Variants in NALF1 observed in about 807,000 individuals in gnomAD.
NALF1 encodes the protein family with sequence similarity 155 member A.
In NALF1, 3 loss-of-function variants were observed where a neutral mutation model predicts 48.4. The ratio of observed to expected loss-of-function variants is 0.06; its 90% CI spans 0.03 to 0.16. The LOEUF is 0.16. NALF1 is among the 10% of genes least tolerant of loss of function. The pLI, the probability that NALF1 is intolerant of heterozygous loss-of-function variation, is 1.00. For synonymous variants in NALF1, 262 were observed against 245.7 expected, an observed-to-expected ratio of 1.07 and a Z score of -0.62; for missense variants, 526 against 571.5, an observed-to-expected ratio of 0.92 and a Z score of 0.81.
At chr13:107,401,919 G>A (rs1186534061) in intron 1 of NALF1, among the ~76,000 whole-genome samples, 1 of 152,094 alleles carries the variant, frequency 6.6e-6, no homozygotes, top group Non-Finnish European at 1.5e-5. Context: ...GCATCATGCT[G>A]AACAGTCATT....
intron 1 of NALF1, among the ~76,000 whole-genome samples, chr13:107,427,354 CT>C (rs920422466): frequency 7.9e-5 from 12 of 151,772 alleles, no homozygotes; most frequent in Non-Finnish European, 1.3e-4. Flanking sequence ...CTTTTTGTCT[CT>C]AGAGTATAAT....
intron 1 of NALF1, among the ~76,000 whole-genome samples, chr13:107,404,182 T>C (rs2138994313): frequency 6.6e-6 from 1 of 152,240 alleles, no homozygotes; most frequent in Admixed American, 6.5e-5. Flanking sequence ...CAAGGGTAGG[T>C]TTTCTTTTTG....
At chr13:107,325,855 C>CACATATATATAT (rs1331741745) in intron 1 of NALF1, among the ~76,000 whole-genome samples, 1 of 54,026 alleles carries the variant, frequency 1.9e-5, no homozygotes, top group Non-Finnish European at 3.6e-5. Flanking sequence ...CACACACACA[C>CACATATATATAT]ATATATATAT....
intron 1 of NALF1, among the ~76,000 whole-genome samples, chr13:107,749,128 TTGTGTGTGTGTGTGTGTG>T (rs58213843): frequency 1.1e-4 from 16 of 147,346 alleles, no homozygotes; most frequent in East Asian, 4.0e-4. Flanking sequence ...ATGTCTATAA[TTGTGTGTGTGTGTGTGTG>T]TGTGTGTGTG....
At chr13:107,840,576 A>C (rs1324207438) in intron 1 of NALF1, among the ~76,000 whole-genome samples, 3 of 152,204 alleles carry the variant, frequency 2.0e-5, no homozygotes, top group African/African-American at 7.2e-5. Context: ...GGATTACACC[A>C]AATGCACACA....
intron 1 of NALF1, among the ~76,000 whole-genome samples, chr13:107,388,353 C>T (rs1883565002): frequency 6.6e-6 from 1 of 152,192 alleles, no homozygotes; most frequent in South Asian, 2.1e-4. Flanking sequence ...AAGCCCTCTG[C>T]TAAAAGCTCC....
intron 1 of NALF1, among the ~76,000 whole-genome samples, chr13:107,555,858 T>C (rs1057064268): frequency 6.6e-6 from 1 of 152,134 alleles, no homozygotes; most frequent in Non-Finnish European, 1.5e-5. Context: ...CAAGCTTATA[T>C]GGTTATATAA....
At chr13:107,807,151 C>T (rs1878818215) in intron 1 of NALF1, among the ~76,000 whole-genome samples, 1 of 152,064 alleles carries the variant, frequency 6.6e-6, no homozygotes, top group Admixed American at 6.6e-5. Context: ...ATAAAATATT[C>T]AGTATGTAAA....
At chr13:107,719,257 T>C (rs1212841648) in intron 1 of NALF1, among the ~76,000 whole-genome samples, 1 of 152,174 alleles carries the variant, frequency 6.6e-6, no homozygotes, top group Non-Finnish European at 1.5e-5. Context: ...CAAGGTTTCT[T>C]GAATTTTCTA....
At chr13:107,746,447 T>C (rs942043309) in intron 1 of NALF1, among the ~76,000 whole-genome samples, 2 of 152,232 alleles carry the variant, frequency 1.3e-5, no homozygotes, top group African/African-American at 4.8e-5. Flanking sequence ...CAATACATTG[T>C]GGAAAACATT....
chr13:107,426,878 T>A (rs987156474), intron 1 of NALF1, among the ~76,000 whole-genome samples: 10 of 152,238 alleles, frequency 6.6e-5, no homozygotes, highest in African/African-American at 2.2e-4. Flanking sequence ...ATAATTTAAA[T>A]TTCAGGCTCT....
intron 2 of NALF1, among the ~76,000 whole-genome samples, chr13:107,207,978 C>G (rs909714422): frequency 6.6e-6 from 1 of 152,128 alleles, no homozygotes. Context: ...TTAAGGGACA[C>G]CTGTAACCGA....
At chr13:107,582,871 G>A (rs113141384) in intron 1 of NALF1, among the ~76,000 whole-genome samples, 4 of 152,032 alleles carry the variant, frequency 2.6e-5, no homozygotes, top group East Asian at 3.9e-4. Context: ...GAGTCTACGC[G>A]TGCACATCCA....
At chr13:107,531,522 T>C (rs1876639678) in intron 1 of NALF1, among the ~76,000 whole-genome samples, 1 of 152,122 alleles carries the variant, frequency 6.6e-6, no homozygotes, top group African/African-American at 2.4e-5. Flanking sequence ...TTATAAATTA[T>C]GCAATCACAG....
At chr13:107,267,199 C>T (rs765083081) in intron 1 of NALF1, among the ~76,000 whole-genome samples, 19 of 152,148 alleles carry the variant, frequency 1.2e-4, no homozygotes, top group African/African-American at 1.7e-4. Context: ...TCACTGATCA[C>T]GTATTTGGAC....
chr13:107,437,765 A>T (rs1884486412), intron 1 of NALF1, among the ~76,000 whole-genome samples: 1 of 152,222 alleles, frequency 6.6e-6, no homozygotes, highest in Non-Finnish European at 1.5e-5. Context: ...CTAAAAATTG[A>T]TATTTGTATT....
chr13:107,165,978 G>A lies in NALF1; in HGVS notation c.*4519C>T, dbSNP rs1400821231. The A allele has an allele frequency of 2.0e-5, 3 of 151,672 alleles. No individual in the cohort carries two copies. Among genetic ancestry groups the A allele is most frequent in the African/African-American group, 7.3e-5 (3 of 41,138 alleles). The allele number at this position is 151,672 out of a possible 1,614,324, so 9.4% of individuals were successfully genotyped here. ...CATGTGCTGTTATGGACTACATAAT[G>A]TTTTGGTTGAAGTTTTATTTGCAAG... On this transcript the variant is annotated 3_prime_UTR_variant, in exon 3 of 3. Coordinates refer to ENST00000375915, the MANE Select transcript of NALF1 (RefSeq NM_001080396.3).
intron 1 of NALF1, among the ~76,000 whole-genome samples, chr13:107,591,872 C>G (rs1224434160): frequency 6.6e-6 from 1 of 151,934 alleles, no homozygotes; most frequent in Non-Finnish European, 1.5e-5. Context: ...TCTAATAATA[C>G]TGAAGATGGA....
intron 1 of NALF1, among the ~76,000 whole-genome samples, chr13:107,750,599 CAAA>C (rs1876911081): frequency 7.0e-6 from 1 of 142,870 alleles, no homozygotes; most frequent in South Asian, 2.2e-4. Context: ...AAAAAGAAAA[CAAA>C]GAAGAGCAAC....
Sources: gnomAD v4.1 joint callset for allele counts (sites outside exome capture counted in the v4.1 genomes callset) on GRCh38, gnomAD v4.1.1 for gene constraint, MANE v1.5 for transcripts, NCBI Gene and HGNC (gene_info 2026-07-23, HGNC 2026-07-21) for gene names.